TBCD: variants seen among roughly 807,000 people sequenced by gnomAD.
TBCD encodes tubulin-specific chaperone D.
In TBCD, 105 loss-of-function variants were observed where a neutral mutation model predicts 169.3. That is an observed-to-expected ratio of 0.62 (90% CI 0.53 to 0.73). The LOEUF (loss-of-function observed/expected upper bound fraction) is 0.73, where lower values mean the gene tolerates loss of function less well. Among genes scored for constraint, TBCD ranks in the 30% least tolerant of loss-of-function variants. The probability of loss-of-function intolerance (pLI) is 0.00; values close to 1 mark genes in which losing one functional copy is unlikely to be tolerated. For synonymous variants in TBCD, 700 were observed against 643.9 expected, an observed-to-expected ratio of 1.09 and a Z score of -1.32; for missense variants, 1,444 against 1,600.1, an observed-to-expected ratio of 0.90 and a Z score of 1.66.
intron 7 of TBCD, among the ~76,000 whole-genome samples, chr17:82,787,551 G>T (rs780118133): frequency 7.9e-5 from 12 of 152,210 alleles, no homozygotes; most frequent in Non-Finnish European, 1.8e-4. Flanking sequence ...CGGGTGGGAG[G>T]TTTCACCTTG....
chr17:82,867,187 G>A (rs1247281806), intron 13 of TBCD, among the ~76,000 whole-genome samples: 1 of 152,074 alleles, frequency 6.6e-6, no homozygotes, highest in Admixed American at 6.5e-5. Context: ...TGGGGTGGGG[G>A]GTCTGTGTCC....
chr17:82,787,402 C>T lies in TBCD; in HGVS notation c.771+5681C>T, dbSNP rs561069234. ...TGGGGCCAGCACGTCCCTTCCAGAG[C>T]GTCTGAAGCCCTGGGCGGCTGCTGG... On this transcript the variant is annotated intron_variant, in intron 7 of 38. Transcript: ENST00000355528. 3.7e-4 allele frequency among the ~76,000 whole-genome samples: 57 copies of T among 152,236 alleles called. 2 individuals are homozygous for T. Among genetic ancestry groups the T allele is most frequent in the Non-Finnish European group, 4.0e-4 (27 of 68,042 alleles).
chr17:82,843,791 G>C (rs931788148), intron 13 of TBCD, among the ~76,000 whole-genome samples: 1 of 152,140 alleles, frequency 6.6e-6, no homozygotes, highest in African/African-American at 2.4e-5. Context: ...ATCATTTAAC[G>C]AGTTTTGACA....
chr17:82,807,698 G>A (rs758723807), intron 11 of TBCD, 30 bp downstream of exon 11: 11 of 1,428,938 alleles, frequency 7.7e-6, no homozygotes, highest in African/African-American at 1.4e-5. Flanking sequence ...GAAGCACCCC[G>A]GGGGGTGGGC....
intron 13 of TBCD, among the ~76,000 whole-genome samples, chr17:82,856,265 G>C (rs1245378254): frequency 6.6e-6 from 1 of 151,808 alleles, no homozygotes; most frequent in African/African-American, 2.4e-5. Context: ...AATATAAAAA[G>C]ATTAAAAGGA....
chr17:82,938,543 T>C (rs1355461445), intron 36 of TBCD, among the ~76,000 whole-genome samples: 1 of 152,228 alleles, frequency 6.6e-6, no homozygotes, highest in Non-Finnish European at 1.5e-5. Context: ...AAAGGTGACA[T>C]TTTCCTAAAA....
chr17:82,790,648 A>G (rs1360413497), intron 7 of TBCD, among the ~76,000 whole-genome samples: 2 of 152,020 alleles, frequency 1.3e-5, no homozygotes, highest in African/African-American at 2.4e-5. Context: ...TGCCGCCCCC[A>G]GCATATGTCA....
chr17:82,784,387 C>G (rs1286142787), intron 7 of TBCD, among the ~76,000 whole-genome samples: 2 of 152,104 alleles, frequency 1.3e-5, no homozygotes. Flanking sequence ...GGGGCAGCAT[C>G]CTCAATGCCT....
chr17:82,899,164 C>T (rs939210137), intron 17 of TBCD, among the ~76,000 whole-genome samples: 1 of 114,414 alleles, frequency 8.7e-6, no homozygotes, highest in African/African-American at 2.9e-5. Context: ...AGCGTGTCCG[C>T]AGTGCGCGCG....
At chr17:82,772,377 A>G in intron 5 of TBCD, 75 bp from the exon 6 acceptor site, 1 of 1,466,258 alleles carries the variant, frequency 6.8e-7, no homozygotes, top group Non-Finnish European at 9.6e-7. Flanking sequence ...TGAGGGTGGG[A>G]CTGGTGACTG....
chr17:82,916,911 C>T (rs2147066050), intron 23 of TBCD, among the ~76,000 whole-genome samples: 1 of 152,160 alleles, frequency 6.6e-6, no homozygotes, highest in East Asian at 1.9e-4. Context: ...CCTTTTGGGA[C>T]TCTTATTACC....
chr17:82,786,180 G>C (rs998400511), intron 7 of TBCD, among the ~76,000 whole-genome samples: 2 of 152,096 alleles, frequency 1.3e-5, no homozygotes, highest in Non-Finnish European at 2.9e-5. Context: ...TAGAACCTGT[G>C]GCTCACAGGA....
Position 82,833,149 on chromosome 17 carries a change from T to G in TBCD, c.1318+18215T>G, listed in dbSNP as rs368651343. Reference sequence around the variant, plus strand: ...AAATACGAAGGGGTTTGTGGCTGTTTCCCCTTAACATGTACCCACAGTCAC... The same window carrying G: ...AAATACGAAGGGGTTTGTGGCTGTTGCCCCTTAACATGTACCCACAGTCAC... On this transcript the variant is annotated intron_variant, in intron 13 of 38. Transcript: ENST00000355528. This position sits in a 1 kb window ranked among gnomAD's most constrained non-coding sequence, Gnocchi z 4.7. Among the ~76,000 whole-genome samples the G allele has an allele frequency of 1.2e-3, 181 of 152,192 alleles. 8 individuals carry two copies. In the East Asian group the frequency reaches 0.025, roughly 21 times the overall value.
intron 13 of TBCD, among the ~76,000 whole-genome samples, chr17:82,869,998 C>T (rs78258353): frequency 0.025 from 3,753 of 152,312 alleles, 176 homozygotes; most frequent in African/African-American, 0.085. Context: ...AATCCTTTCA[C>T]TGGATCTGAG....
In TBCD at chr17:82,800,989, G is replaced by A. The variant is rs768633151; in HGVS notation, c.943G>A (p.Ala315Thr). ...GLTFLKPKVA[A>T]WRYQRGCRSL... ...GACATTCCTGAAGCCGAAGGTGGCA[G>A]CATGGAGGTAGGCACCATGAGGGCG... Residue 315 changes from alanine to threonine, a missense_variant, in exon 9 of 39, where the codon GCA (alanine) becomes ACA (threonine). Physicochemically the swap from Ala to Thr is moderately conservative, Grantham distance 58. Transcript: ENST00000355528. 1.2e-6 allele frequency: 2 copies of A among 1,608,288 alleles called. No homozygotes were observed. Among genetic ancestry groups the A allele is most frequent in the Admixed American group, 1.7e-5 (1 of 59,528 alleles).
At chr17:82,911,951 G>T (rs1337651909) in intron 23 of TBCD, among the ~76,000 whole-genome samples, 162 bp downstream of exon 23, 1 of 152,244 alleles carries the variant, frequency 6.6e-6, no homozygotes, top group African/African-American at 2.4e-5. Context: ...GGTTTGTCCA[G>T]TGGTTCCTAC....
chr17:82,847,228 C>G (rs1425929621), intron 13 of TBCD, among the ~76,000 whole-genome samples: 2 of 152,088 alleles, frequency 1.3e-5, no homozygotes, highest in South Asian at 2.1e-4. Context: ...TGGTGGGTGC[C>G]TGTAATCCCA....
chr17:82,912,784 C>T (rs973207923), intron 23 of TBCD, among the ~76,000 whole-genome samples: 1 of 152,262 alleles, frequency 6.6e-6, no homozygotes, highest in Non-Finnish European at 1.5e-5. Flanking sequence ...CCGAGGCCTG[C>T]AGCCATCTAT....
At chr17:82,819,263 AC>A (rs1428071134) in intron 13 of TBCD, among the ~76,000 whole-genome samples, 3 of 152,200 alleles carry the variant, frequency 2.0e-5, no homozygotes, top group African/African-American at 7.2e-5. Context: ...CCTGGAAGGC[AC>A]CCTGGGTCTT....
Sources: gnomAD v4.1 joint callset for allele counts (sites outside exome capture counted in the v4.1 genomes callset) on GRCh38, gnomAD v4.1.1 for gene constraint, Gnocchi (gnomAD v3.1) non-coding constraint, MANE v1.5 for transcripts, NCBI Gene and HGNC (gene_info 2026-07-23, HGNC 2026-07-21) for gene names.